Variants in CNTN5 observed in about 807,000 individuals in gnomAD.
CNTN5 encodes contactin-5.
CNTN5 carries 77 observed loss-of-function variants against 129.1 expected under a neutral mutation model. That is an observed-to-expected ratio of 0.60 (90% CI 0.50 to 0.72). The LOEUF (loss-of-function observed/expected upper bound fraction) is 0.72, where lower values mean the gene tolerates loss of function less well. CNTN5 is among the 30% of genes least tolerant of loss of function. CNTN5 has a pLI of 0.00. For synonymous variants in CNTN5, 509 were observed against 465.6 expected (o/e 1.09, Z -1.20); for missense variants, 1,478 against 1,328.8 (o/e 1.11, Z -1.75).
chr11:99,546,663 T>C (rs1005271573), intron 2 of CNTN5, among the ~76,000 whole-genome samples: 1 of 152,186 alleles, frequency 6.6e-6, no homozygotes, highest in Non-Finnish European at 1.5e-5. Context: ...TTTAGTTATA[T>C]GATTATTTAT....
chr11:100,161,215 C>A (rs1477292035), intron 13 of CNTN5, among the ~76,000 whole-genome samples: 1 of 151,756 alleles, frequency 6.6e-6, no homozygotes, highest in Admixed American at 6.6e-5. Flanking sequence ...TGACTCTTCA[C>A]AAGAGAGCTG....
At chr11:100,162,447 G>C (rs931407554) in intron 13 of CNTN5, among the ~76,000 whole-genome samples, 1 of 151,810 alleles carries the variant, frequency 6.6e-6, no homozygotes, top group Admixed American at 6.6e-5. Context: ...TTCATAATTT[G>C]AAATGTTTAC....
chr11:100,221,082 T>C (rs372531105), intron 15 of CNTN5, among the ~76,000 whole-genome samples: 18 of 152,194 alleles, frequency 1.2e-4, no homozygotes, highest in East Asian at 3.9e-4. Context: ...CAAAGTGACA[T>C]TGGAGCATAA....
At chr11:99,965,135 A>T (rs1951059385) in intron 8 of CNTN5, among the ~76,000 whole-genome samples, 1 of 151,994 alleles carries the variant, frequency 6.6e-6, no homozygotes, top group African/African-American at 2.4e-5. Context: ...TGATTTTTTG[A>T]ACGGTTTTTT....
intron 4 of CNTN5, among the ~76,000 whole-genome samples, chr11:99,832,454 G>A (rs897337650): frequency 6.6e-6 from 1 of 152,134 alleles, no homozygotes; most frequent in African/African-American, 2.4e-5. Context: ...CTTATGTTGT[G>A]TGTACAACGA....
In CNTN5 at chr11:99,759,592, T is replaced by G. The variant is rs574423247; in HGVS notation, c.56-59952T>G. ...AGAATTTACCAAGGAAATGGTTATA[T>G]TAATTCAGGTGTGAAGTCATAACCC... On this transcript the variant is annotated intron_variant, in intron 3 of 24. Transcript: ENST00000524871. Among the ~76,000 whole-genome samples the G allele has an allele frequency of 2.6e-5, 4 of 151,988 alleles. No individual in the cohort carries two copies. In the South Asian group the frequency reaches 6.2e-4, roughly 24 times the overall value.
chr11:100,056,905 T>C (rs1943252222), intron 9 of CNTN5, among the ~76,000 whole-genome samples: 1 of 151,722 alleles, frequency 6.6e-6, no homozygotes, highest in Non-Finnish European at 1.5e-5. Context: ...GAATGACAAC[T>C]AACAAAAGCT....
At chr11:100,233,438 A>G (rs1051981096) in intron 16 of CNTN5, among the ~76,000 whole-genome samples, 3 of 152,222 alleles carry the variant, frequency 2.0e-5, no homozygotes, top group African/African-American at 7.2e-5. Flanking sequence ...GAATGAAGAT[A>G]TTCTACATTA....
At chr11:99,518,123 T>A (rs1346671140) in intron 2 of CNTN5, among the ~76,000 whole-genome samples, 1 of 152,092 alleles carries the variant, frequency 6.6e-6, no homozygotes, top group Non-Finnish European at 1.5e-5. Flanking sequence ...ATTTCATATC[T>A]GTGTGTGTGT....
chr11:99,518,500 T>C (rs562058975), intron 2 of CNTN5, among the ~76,000 whole-genome samples: 1 of 152,248 alleles, frequency 6.6e-6, no homozygotes, highest in East Asian at 1.9e-4. Context: ...TCCTGAATTA[T>C]GCATATCACT....
chr11:99,475,789 T>C, intron 2 of CNTN5, among the ~76,000 whole-genome samples: 1 of 152,084 alleles, frequency 6.6e-6, no homozygotes, highest in South Asian at 2.1e-4. Context: ...TAATGCTTTT[T>C]TTTTCGTTTT....
chr11:99,703,943 T>C (rs1468845246), intron 3 of CNTN5, among the ~76,000 whole-genome samples: 1 of 151,010 alleles, frequency 6.6e-6, no homozygotes, highest in African/African-American at 2.4e-5. Flanking sequence ...AGAGTAAGAA[T>C]GAGAATAAAT....
chr11:99,662,310 A>G (rs1445770102), intron 3 of CNTN5, among the ~76,000 whole-genome samples: 1 of 152,206 alleles, frequency 6.6e-6, no homozygotes, highest in African/African-American at 2.4e-5. Context: ...GGTATATCCC[A>G]TATGCTACAA....
chr11:99,404,219 A>G (rs1003498227), intron 2 of CNTN5, among the ~76,000 whole-genome samples: 3 of 150,178 alleles, frequency 2.0e-5, no homozygotes, highest in Non-Finnish European at 3.0e-5. Flanking sequence ...TTATTTTTTC[A>G]TCCGTTTATT....
intron 9 of CNTN5, among the ~76,000 whole-genome samples, chr11:100,011,429 G>A (rs918181612): frequency 6.6e-6 from 1 of 152,108 alleles, no homozygotes; most frequent in Non-Finnish European, 1.5e-5. Context: ...GTTACAGGCA[G>A]ATTTTCTCTT....
chr11:99,878,169 G>A (rs1470332214), intron 6 of CNTN5, among the ~76,000 whole-genome samples: 1 of 152,184 alleles, frequency 6.6e-6, no homozygotes, highest in Non-Finnish European at 1.5e-5. Context: ...AGAGGCAAAT[G>A]AAGTTAGATC....
intron 13 of CNTN5, among the ~76,000 whole-genome samples, chr11:100,106,350 G>A (rs1565245339): frequency 6.6e-6 from 1 of 152,178 alleles, no homozygotes; most frequent in Non-Finnish European, 1.5e-5. Flanking sequence ...AGGAATAAAA[G>A]AAGAGAGGTC....
At chr11:99,303,699 A>G (rs532703765) in intron 1 of CNTN5, among the ~76,000 whole-genome samples, 2 of 152,056 alleles carry the variant, frequency 1.3e-5, no homozygotes, top group East Asian at 3.9e-4. Context: ...ATTTCTCATC[A>G]GTACTAGTGA....
intron 3 of CNTN5, among the ~76,000 whole-genome samples, chr11:99,712,254 T>A (rs1445962712): frequency 6.6e-6 from 1 of 152,118 alleles, no homozygotes; most frequent in Non-Finnish European, 1.5e-5. Flanking sequence ...CTTTCATATG[T>A]TTTTTTGGCC....
Sources: allele counts gnomAD v4.1 joint callset (sites outside exome capture counted in the v4.1 genomes callset), GRCh38; gene constraint gnomAD v4.1.1; transcripts MANE v1.5; gene names NCBI Gene and HGNC (gene_info 2026-07-23, HGNC 2026-07-21).